CD2AP: variants seen among roughly 807,000 people sequenced by gnomAD.
CD2AP encodes the protein CD2 associated protein.
CD2AP carries 46 observed loss-of-function variants against 85.1 expected under a neutral mutation model. That is an observed-to-expected ratio of 0.54 (90% CI 0.43 to 0.69). The LOEUF is 0.69. Among genes scored for constraint, CD2AP ranks in the 30% least tolerant of loss-of-function variants. The probability of loss-of-function intolerance (pLI) is 0.00; values close to 1 mark genes in which losing one functional copy is unlikely to be tolerated. For missense variants in CD2AP, 769 were observed against 729.5 expected, an observed-to-expected ratio of 1.05 and a Z score of -0.62; for synonymous variants, 255 against 252.9, an observed-to-expected ratio of 1.01 and a Z score of -0.08.
intron 1 of CD2AP, among the ~76,000 whole-genome samples, chr6:47,496,369 T>C (rs1054763294): frequency 3.9e-5 from 6 of 152,210 alleles, no homozygotes; most frequent in Admixed American, 6.5e-5. Flanking sequence ...TGTTTTACGA[T>C]TTTCTTTCCT....
At chr6:47,527,142 AAAAAG>A (rs1291822118) in intron 2 of CD2AP, among the ~76,000 whole-genome samples, 4 of 152,066 alleles carry the variant, frequency 2.6e-5, no homozygotes, top group African/African-American at 7.3e-5. Context: ...GTTCTTTTAA[AAAAAG>A]AAAAGTTTTT....
intron 5 of CD2AP, among the ~76,000 whole-genome samples, chr6:47,562,030 C>T (rs1767876773): frequency 1.3e-5 from 2 of 152,302 alleles, no homozygotes; most frequent in South Asian, 4.1e-4. Flanking sequence ...TCTTAAAGTA[C>T]TGGGATTACA....
At position 47,574,075 on chromosome 6, in the gene CD2AP, G is replaced by T. The variant is rs142643033; in HGVS notation, c.553G>T (p.Ala185Ser). 286 of 1,613,768 alleles carry T rather than the reference G, an allele frequency of 1.8e-4. No individual in the cohort carries two copies. Among genetic ancestry groups the T allele is most frequent in the Admixed American group, 1.5e-4 (9 of 59,994 alleles). The change falls in exon 6 of 18, where the codon GCT becomes TCT. Residue 185 changes from alanine to serine, a missense_variant. By Grantham distance (99) the Ala-to-Ser change is moderately conservative (BLOSUM62 1). Transcript: ENST00000359314. ...AATTATTGTTTCAGAAACTGTTTTG[G>T]CTGGGCCTACTTCACCTATACCTTC... ...EAQDDSETVL[A>S]GPTSPIPSLG... is the part of the protein sequence containing the mutation.
At chr6:47,587,836 G>C (rs1428583812) in intron 11 of CD2AP, among the ~76,000 whole-genome samples, 2 of 152,122 alleles carry the variant, frequency 1.3e-5, no homozygotes, top group Non-Finnish European at 2.9e-5. Context: ...CATACCCACA[G>C]AAAGAGCATA....
intron 2 of CD2AP, among the ~76,000 whole-genome samples, chr6:47,508,408 G>A (rs933434074): frequency 2.6e-5 from 4 of 152,114 alleles, no homozygotes; most frequent in Non-Finnish European, 5.9e-5. Flanking sequence ...CTTTTCTTCT[G>A]CAACTTCCTG....
intron 5 of CD2AP, 152 bp from the exon 6 acceptor site, chr6:47,573,912 A>G: frequency 6.0e-6 from 4 of 670,026 alleles, no homozygotes; most frequent in Non-Finnish European, 8.0e-6. Flanking sequence ...CATAAATTGC[A>G]TCTTGCTCTT....
intron 2 of CD2AP, among the ~76,000 whole-genome samples, chr6:47,527,663 G>T (rs1346740556): frequency 6.6e-6 from 1 of 152,226 alleles, no homozygotes; most frequent in Admixed American, 6.5e-5. Context: ...TTTGGTATGG[G>T]ACATGGAAGT....
intron 3 of CD2AP, among the ~76,000 whole-genome samples, chr6:47,534,515 T>C (rs1015492643): frequency 1.3e-5 from 2 of 152,104 alleles, no homozygotes; most frequent in Non-Finnish European, 1.5e-5. Flanking sequence ...GAGACCAGCC[T>C]GACCAACATA....
chr6:47,619,725 ACAT>A lies in CD2AP; in HGVS notation c.1879-4459_1879-4457del, dbSNP rs1422784938. ...TTCCCTGATCACCTCATCCATGCCA[ACAT>A]CTACTGTTTTTTGATTTTTTGATTA... On this transcript the variant is annotated intron_variant, in intron 17 of 17. Coordinates refer to ENST00000359314, the MANE Select transcript of CD2AP (RefSeq NM_012120.3). Among the ~76,000 whole-genome samples the A allele has an allele frequency of 6.6e-5, 10 of 152,280 alleles. No individual in the cohort carries two copies. In the South Asian group the frequency reaches 2.1e-3, roughly 32 times the overall value.
chr6:47,494,003 T>C (rs560994984), intron 1 of CD2AP, among the ~76,000 whole-genome samples: 232 of 152,300 alleles, frequency 1.5e-3, no homozygotes, highest in Non-Finnish European at 2.3e-3. Flanking sequence ...ATATTAATCA[T>C]AGTTATTTTA....
chr6:47,590,356 A>C (rs1292711446), intron 11 of CD2AP, among the ~76,000 whole-genome samples: 4 of 152,118 alleles, frequency 2.6e-5, no homozygotes, highest in African/African-American at 9.7e-5. Context: ...ATATATACAC[A>C]CAAATGTTAA....
At chr6:47,584,431 T>G (rs1768564923) in intron 11 of CD2AP, among the ~76,000 whole-genome samples, 1 of 152,006 alleles carries the variant, frequency 6.6e-6, no homozygotes, top group African/African-American at 2.4e-5. Flanking sequence ...TTTTTTTTTT[T>G]TTTGGCATGT....
chr6:47,538,439 A>C (rs1026737419), intron 3 of CD2AP, among the ~76,000 whole-genome samples: 1 of 151,756 alleles, frequency 6.6e-6, no homozygotes, highest in African/African-American at 2.4e-5. Flanking sequence ...ACAGGGTTTC[A>C]CCATGTTTGT....
chr6:47,482,714 G>T (rs1765475325), intron 1 of CD2AP, among the ~76,000 whole-genome samples: 1 of 152,076 alleles, frequency 6.6e-6, no homozygotes, highest in Admixed American at 6.6e-5. Context: ...AAACTAAAAT[G>T]ACATCATATT....
chr6:47,501,490 G>A (rs766393140), intron 1 of CD2AP, among the ~76,000 whole-genome samples: 2 of 152,264 alleles, frequency 1.3e-5, no homozygotes, highest in Admixed American at 1.3e-4. Context: ...GAGAATCTTC[G>A]CCTGTAAAGT....
chr6:47,592,266 A>T (rs1418761790), intron 11 of CD2AP, among the ~76,000 whole-genome samples: 1 of 152,082 alleles, frequency 6.6e-6, no homozygotes, highest in Admixed American at 6.6e-5. Context: ...TTTTAGCTGA[A>T]CTAACATTCT....
chr6:47,496,971 C>T (rs1226633459), intron 1 of CD2AP, among the ~76,000 whole-genome samples: 1 of 152,144 alleles, frequency 6.6e-6, no homozygotes, highest in Non-Finnish European at 1.5e-5. Context: ...TTTACTCTTT[C>T]CTTTACGAAC....
intron 5 of CD2AP, among the ~76,000 whole-genome samples, chr6:47,558,685 G>T (rs1463026033): frequency 6.6e-6 from 1 of 152,182 alleles, no homozygotes; most frequent in African/African-American, 2.4e-5. Flanking sequence ...CTTGATTGTG[G>T]TGGATAAGCT....
rs185427977 is a variant in CD2AP, at chr6:47,598,587, A to G, written c.1275-714A>G. On this transcript the variant is annotated intron_variant, in intron 12 of 17. Transcript: ENST00000359314. ...CTACTCAGCCGTAAAAAAGATGGAA[A>G]AAATGGCATTCACAGCAACCTGGAT... is the stretch of plus-strand genomic sequence containing the variant. Among the ~76,000 whole-genome samples the G allele has an allele frequency of 2.6e-4, 39 of 151,194 alleles. 1 individual carries two copies. The highest frequency in any genetic ancestry group is 2.6e-4 in the Admixed American group (4 of 15,132).
Sources: allele counts gnomAD v4.1 joint callset (sites outside exome capture counted in the v4.1 genomes callset), GRCh38; gene constraint gnomAD v4.1.1; transcripts MANE v1.5; gene names NCBI Gene and HGNC (gene_info 2026-07-23, HGNC 2026-07-21).